SHC3: variants seen among roughly 807,000 people sequenced by gnomAD.
SHC3 encodes SHC adaptor protein 3.
In SHC3, 15 loss-of-function variants were observed where a neutral mutation model predicts 60.4. The observed-to-expected ratio is 0.25, with a 90% CI of 0.17 to 0.38. The LOEUF (loss-of-function observed/expected upper bound fraction) is 0.38, where lower values mean the gene tolerates loss of function less well. Ranked by LOEUF, SHC3 falls within the 10% of genes least tolerant of loss-of-function variation. SHC3 has a pLI of 1.00. For synonymous variants in SHC3, 294 were observed against 325.9 expected (o/e 0.90, Z 1.05); for missense variants, 677 against 786.1 (o/e 0.86, Z 1.66).
At chr9:89,120,406 G>C (rs1368158601) in intron 1 of SHC3, among the ~76,000 whole-genome samples, 1 of 152,076 alleles carries the variant, frequency 6.6e-6, no homozygotes, top group African/African-American at 2.4e-5. Context: ...AATAGGCAAA[G>C]GGTACAAAAA....
intron 11 of SHC3, among the ~76,000 whole-genome samples, chr9:89,029,755 C>T (rs1824450931): frequency 6.6e-6 from 1 of 152,140 alleles, no homozygotes; most frequent in Non-Finnish European, 1.5e-5. Context: ...GAAAACATAG[C>T]TGTCTTCTCT....
chr9:89,101,125 C>T (rs539130658), intron 2 of SHC3, among the ~76,000 whole-genome samples: 1 of 152,124 alleles, frequency 6.6e-6, no homozygotes. Flanking sequence ...ATAAATCTTA[C>T]ACATATTTTG....
intron 11 of SHC3, among the ~76,000 whole-genome samples, chr9:89,025,966 G>C (rs1385274943): frequency 6.6e-6 from 1 of 152,128 alleles, no homozygotes; most frequent in Non-Finnish European, 1.5e-5. Context: ...AACATTGGCT[G>C]GGCACAGTGG....
intron 5 of SHC3, among the ~76,000 whole-genome samples, chr9:89,065,876 G>A (rs549657469): frequency 3.4e-4 from 52 of 152,228 alleles, no homozygotes; most frequent in African/African-American, 1.2e-3. Context: ...GTATCCCACC[G>A]GAACTGGTTA....
At chr9:89,156,414 T>C (rs930531699) in intron 1 of SHC3, among the ~76,000 whole-genome samples, 1 of 152,098 alleles carries the variant, frequency 6.6e-6, no homozygotes, top group African/African-American at 2.4e-5. Context: ...ATAGATATGA[T>C]TAAGTTAAGG....
In SHC3 at chr9:89,005,776, T is replaced by C. The variant is rs1825930680; in HGVS notation, c.*7671A>G. Reference sequence around the variant, plus strand: ...TCCATCATCCAAATGAAAGATACTTTTCACAACAGCCTTTATTGCCTGCAG... The same window carrying C: ...TCCATCATCCAAATGAAAGATACTTCTCACAACAGCCTTTATTGCCTGCAG... On this transcript the variant is annotated 3_prime_UTR_variant, in exon 12 of 12. Transcript: ENST00000375835. 1 of 152,242 alleles carries C rather than the reference T, an allele frequency of 6.6e-6. No homozygotes were observed. Among genetic ancestry groups the C allele is most frequent in the Non-Finnish European group, 1.5e-5 (1 of 68,032 alleles). The allele number at this position is 152,242 out of a possible 1,614,324, so 9.4% of individuals were successfully genotyped here. A position where few individuals can be genotyped will look rare whatever the true frequency, so the allele number is the denominator to read the frequency against.
intron 11 of SHC3, among the ~76,000 whole-genome samples, chr9:89,016,732 A>G (rs563508753): frequency 6.6e-6 from 1 of 152,350 alleles, no homozygotes; most frequent in East Asian, 1.9e-4. Flanking sequence ...CTATAGTGCA[A>G]TATCTCTTAT....
At chr9:89,113,548 T>C (rs187422978) in intron 1 of SHC3, among the ~76,000 whole-genome samples, 2 of 152,330 alleles carry the variant, frequency 1.3e-5, no homozygotes, top group Admixed American at 6.5e-5. Flanking sequence ...AATTGGAGGC[T>C]GGCTTTGTCA....
At chr9:89,118,903 C>T (rs986010787) in intron 1 of SHC3, among the ~76,000 whole-genome samples, 17 of 152,104 alleles carry the variant, frequency 1.1e-4, no homozygotes, top group East Asian at 5.8e-4. Flanking sequence ...GAAACAATGA[C>T]GATAAAAGAA....
chr9:89,082,046 G>A (rs1825453183), intron 2 of SHC3, among the ~76,000 whole-genome samples: 1 of 151,528 alleles, frequency 6.6e-6, no homozygotes, highest in African/African-American at 2.4e-5. Flanking sequence ...TGGTGCTCCT[G>A]GATGTCCTCC....
intron 2 of SHC3, chr9:89,110,579 AT>A (rs1181615622): frequency 1.7e-6 from 1 of 580,896 alleles, no homozygotes; most frequent in Middle Eastern, 8.5e-4. Context: ...TCTGAAGTTG[AT>A]TTGTCAAATT....
chr9:89,030,678 G>T (rs1177297110), intron 11 of SHC3, among the ~76,000 whole-genome samples: 2 of 152,098 alleles, frequency 1.3e-5, no homozygotes, highest in African/African-American at 4.8e-5. Context: ...TTGTCTCAAG[G>T]ATGTTCTTTT....
chr9:89,062,536 A>G (rs1188225409), intron 6 of SHC3, among the ~76,000 whole-genome samples: 1 of 152,264 alleles, frequency 6.6e-6, no homozygotes, highest in African/African-American at 2.4e-5. Flanking sequence ...CCACAAACAC[A>G]TATAAGAATA....
chr9:89,088,036 C>T (rs1825560399), intron 2 of SHC3, among the ~76,000 whole-genome samples: 1 of 152,220 alleles, frequency 6.6e-6, no homozygotes, highest in Non-Finnish European at 1.5e-5. Flanking sequence ...AAATCCCCTT[C>T]TCTTTCCAGG....
At chr9:89,031,547 C>G (rs779350225) in intron 11 of SHC3, among the ~76,000 whole-genome samples, 1 of 152,172 alleles carries the variant, frequency 6.6e-6, no homozygotes, top group African/African-American at 2.4e-5. Flanking sequence ...AAGGTTCATC[C>G]AAGTTGTGGC....
At chr9:89,056,888 C>T (rs1005811525) in intron 6 of SHC3, among the ~76,000 whole-genome samples, 1 of 152,250 alleles carries the variant, frequency 6.6e-6, no homozygotes, top group Non-Finnish European at 1.5e-5. Context: ...AGGCAAAAAA[C>T]TTATCGGGAT....
intron 1 of SHC3, among the ~76,000 whole-genome samples, chr9:89,118,084 A>G (rs1471737703): frequency 1.3e-5 from 2 of 152,166 alleles, no homozygotes; most frequent in East Asian, 3.8e-4. Flanking sequence ...CCCCTCAAAA[A>G]TGATTTAGAT....
intron 1 of SHC3, among the ~76,000 whole-genome samples, chr9:89,168,143 T>G (rs1826817067): frequency 6.6e-6 from 1 of 152,222 alleles, no homozygotes; most frequent in African/African-American, 2.4e-5. Flanking sequence ...TAGTAAACCC[T>G]AAACAAACAT....
rs189718380 is a variant in SHC3, at chr9:89,110,088, C to T, written c.545+2468G>A. The T allele has an allele frequency of 1.2e-4, 120 of 985,302 alleles. No individual in the cohort carries two copies. The African/African-American group carries it at 1.7e-3, about 14-fold the overall frequency. The allele number at this position is 985,302 out of a possible 1,614,324, so 61.0% of individuals were successfully genotyped here. ...ACTGAAAAAGAACAAAAAGGAAACA[C>T]CTTTCCAAAAGAAAGATGTTTTCCT... On this transcript the variant is annotated intron_variant, in intron 2 of 11. Transcript: ENST00000375835.
Sources: gnomAD v4.1 joint callset for allele counts (sites outside exome capture counted in the v4.1 genomes callset) on GRCh38, gnomAD v4.1.1 for gene constraint, MANE v1.5 for transcripts, NCBI Gene and HGNC (gene_info 2026-07-23, HGNC 2026-07-21) for gene names.